IGF2BP3: variants seen among roughly 807,000 people sequenced by gnomAD.
IGF2BP3 encodes insulin-like growth factor 2 mRNA-binding protein 3.
IGF2BP3 carries 9 observed loss-of-function variants against 73.8 expected under a neutral mutation model. That is an observed-to-expected ratio of 0.12 (90% CI 0.07 to 0.21). IGF2BP3 has a LOEUF of 0.21. Ranked by LOEUF, IGF2BP3 falls within the 10% of genes least tolerant of loss-of-function variation. The pLI is 1.00. For missense variants in IGF2BP3, 542 were observed against 714.0 expected (o/e 0.76, Z 2.75); for synonymous variants, 258 against 256.7 (o/e 1.01, Z -0.05).
At chr7:23,363,449 G>A (rs1341360534) in intron 3 of IGF2BP3, among the ~76,000 whole-genome samples, 3 of 152,208 alleles carry the variant, frequency 2.0e-5, no homozygotes, top group Admixed American at 1.3e-4. Context: ...GTCTCGGTAT[G>A]TTGCCCAGGC....
intron 3 of IGF2BP3, among the ~76,000 whole-genome samples, chr7:23,396,700 G>T (rs537838896): frequency 4.0e-5 from 6 of 151,862 alleles, no homozygotes; most frequent in Admixed American, 2.6e-4. Context: ...AAGACTGTTG[G>T]GGGGGAAAAA....
rs1331575880 is a variant in IGF2BP3 at position 23,428,099 on chromosome 7, C to T, written c.237-9275G>A. On this transcript the variant is annotated intron_variant, in intron 2 of 14. Coordinates refer to ENST00000258729, the MANE Select transcript of IGF2BP3 (RefSeq NM_006547.3). ...GCTGAAGCAGGAGGATCACTTGAAC[C>T]CAGGAGGTGGAGGCTGCAGTGAGCC... is the stretch of plus-strand genomic sequence containing the variant. 2.0e-5 allele frequency among the ~76,000 whole-genome samples: 3 copies of T among 151,376 alleles called. No homozygotes were observed. In the East Asian group the frequency reaches 5.8e-4, roughly 29 times the overall value.
At chr7:23,316,004 G>C (rs1783979062) in intron 12 of IGF2BP3, among the ~76,000 whole-genome samples, 1 of 152,152 alleles carries the variant, frequency 6.6e-6, no homozygotes, top group East Asian at 1.9e-4. Flanking sequence ...AAGACTAAAA[G>C]CTCAGCACCA....
At chr7:23,312,520 C>T (rs1282635824) in intron 14 of IGF2BP3, 60 bp from the exon 15 acceptor site, 2 of 1,185,842 alleles carry the variant, frequency 1.7e-6, no homozygotes, top group Non-Finnish European at 2.5e-6. Flanking sequence ...AGTTATTGTA[C>T]TCCTTCATTT....
chr7:23,327,712 C>G (rs1023147768), intron 10 of IGF2BP3, among the ~76,000 whole-genome samples: 1 of 152,158 alleles, frequency 6.6e-6, no homozygotes, highest in Non-Finnish European at 1.5e-5. Flanking sequence ...TAACACTGGG[C>G]TCTGACAGCT....
At chr7:23,397,433 C>A (rs1786512212) in intron 3 of IGF2BP3, among the ~76,000 whole-genome samples, 1 of 152,198 alleles carries the variant, frequency 6.6e-6, no homozygotes, top group African/African-American at 2.4e-5. Flanking sequence ...TGAACTAGCA[C>A]CATCTCAGCT....
At chr7:23,312,696 G>A (rs766218256) in intron 14 of IGF2BP3, 39 bp downstream of exon 14, 8 of 1,390,680 alleles carry the variant, frequency 5.8e-6, no homozygotes, top group African/African-American at 2.9e-5. Context: ...TTGCTTCCAC[G>A]TGAGAAAGAT....
chr7:23,335,678 G>A (rs1162165410), intron 10 of IGF2BP3, among the ~76,000 whole-genome samples: 1 of 152,056 alleles, frequency 6.6e-6, no homozygotes, highest in Non-Finnish European at 1.5e-5. Context: ...CTATCATTTT[G>A]GAGACTTCTG....
intron 3 of IGF2BP3, among the ~76,000 whole-genome samples, chr7:23,365,335 A>G (rs1009009530): frequency 6.6e-6 from 1 of 152,212 alleles, no homozygotes; most frequent in Non-Finnish European, 1.5e-5. Context: ...CAATTTGTTC[A>G]GTAATTAAGT....
In IGF2BP3 at chr7:23,351,473, C is replaced by T. The variant is rs571595293; in HGVS notation, c.515G>A (p.Arg172Gln). 42 of 1,613,792 alleles carry T rather than the reference C, an allele frequency of 2.6e-5. No homozygotes were observed. The highest frequency in any genetic ancestry group is 3.1e-5 in the Non-Finnish European group (36 of 1,179,910). Residue 172 changes from arginine (R) to glutamine (Q), a missense_variant, in exon 6 of 15, where the codon CGG (arginine) becomes CAG (glutamine). Arg to Gln is a conservative substitution (Grantham distance 43). Transcript: ENST00000258729. ...QNPLQQPRGR[R>Q]GLGQRGSSRQ... ...TGAGGAGCCCCTCTGCCCAAGCCCC[C>T]GGCGACCTCGGGGCTGCTGCAAGGG...
intron 10 of IGF2BP3, among the ~76,000 whole-genome samples, chr7:23,327,608 C>T (rs186496552): frequency 5.3e-5 from 8 of 152,230 alleles, no homozygotes; most frequent in East Asian, 3.9e-4. Context: ...CTCAAACAAC[C>T]GCAGAGCAAC....
chr7:23,378,220 C>A (rs561490828), intron 3 of IGF2BP3, among the ~76,000 whole-genome samples: 1 of 152,024 alleles, frequency 6.6e-6, no homozygotes, highest in Non-Finnish European at 1.5e-5. Context: ...CTATTAGTCA[C>A]GGAATAATGT....
chr7:23,425,498 A>C (rs1252299146), intron 2 of IGF2BP3, among the ~76,000 whole-genome samples: 1 of 152,206 alleles, frequency 6.6e-6, no homozygotes, highest in Non-Finnish European at 1.5e-5. Flanking sequence ...CTACCATCAC[A>C]GCCTTCTGAG....
chr7:23,353,105 C>T (rs2061677), intron 5 of IGF2BP3, among the ~76,000 whole-genome samples: 1,779 of 152,330 alleles, frequency 0.012, 19 homozygotes, highest in South Asian at 0.02. Context: ...AGTCCCCACA[C>T]TTCCCAGTGT....
intron 2 of IGF2BP3, among the ~76,000 whole-genome samples, chr7:23,466,272 C>T (rs1488179226): frequency 6.6e-6 from 1 of 152,210 alleles, no homozygotes; most frequent in Non-Finnish European, 1.5e-5. Flanking sequence ...ATCCACCCAC[C>T]TTGGCCTCCC....
rs372884321 is a variant in IGF2BP3, at chr7:23,457,184, C to T, written c.236+11298G>A. Among the ~76,000 whole-genome samples, 13 of 152,270 alleles carry T rather than the reference C, an allele frequency of 8.5e-5. No individual in the cohort carries two copies. In the East Asian group the frequency reaches 2.5e-3, roughly 29 times the overall value. On this transcript the variant is annotated intron_variant, in intron 2 of 14. Coordinates refer to ENST00000258729, the MANE Select transcript of IGF2BP3 (RefSeq NM_006547.3). ...CGTTATAAAAATTCTCAACCAGGGG[C>T]TGAGTGCGATGACTCACTCAGTACT... is the stretch of plus-strand genomic sequence containing the variant.
intron 3 of IGF2BP3, among the ~76,000 whole-genome samples, chr7:23,387,018 G>T (rs1289975505): frequency 6.7e-6 from 1 of 148,862 alleles, no homozygotes; most frequent in Non-Finnish European, 1.5e-5. Context: ...AGTGAGCAGA[G>T]ATCACGTCAC....
chr7:23,398,025 G>A (rs995307684), intron 3 of IGF2BP3, among the ~76,000 whole-genome samples: 1 of 152,016 alleles, frequency 6.6e-6, no homozygotes, highest in Non-Finnish European at 1.5e-5. Flanking sequence ...TTTGAAAGAG[G>A]AAACCATTAG....
At chr7:23,338,528 A>G (rs1023457867) in intron 10 of IGF2BP3, among the ~76,000 whole-genome samples, 1 of 152,170 alleles carries the variant, frequency 6.6e-6, no homozygotes, top group East Asian at 1.9e-4. Flanking sequence ...GGGTAGCATA[A>G]AACTCCTGAT....
Sources: allele counts gnomAD v4.1 joint callset (sites outside exome capture counted in the v4.1 genomes callset), GRCh38; gene constraint gnomAD v4.1.1; transcripts MANE v1.5; gene names NCBI Gene and HGNC (gene_info 2026-07-23, HGNC 2026-07-21).